Variants in CSMD3 observed in about 807,000 individuals in gnomAD.
CSMD3 encodes CUB and sushi domain-containing protein 3.
A neutral mutation model predicts 435.2 loss-of-function variants in CSMD3; 177 were observed. That is an observed-to-expected ratio of 0.41 (90% CI 0.36 to 0.46). The LOEUF (loss-of-function observed/expected upper bound fraction) is 0.46. Ranked by LOEUF, CSMD3 falls within the 20% of genes least tolerant of loss-of-function variation. The pLI is 0.34. For missense variants in CSMD3, 4,265 were observed against 4,504.6 expected, an observed-to-expected ratio of 0.95 and a Z score of 1.52; for synonymous variants, 1,656 against 1,520.5, an observed-to-expected ratio of 1.09 and a Z score of -2.07.
At position 112,322,518 on chromosome 8, in the gene CSMD3, A is replaced by C. The variant is rs140959286; in HGVS notation, c.7166-2537T>G. ...CTTAACTTCCAACTCTACTTCAATA[A>C]GAACAACTCTATTCTTATCAATTGT... On this transcript the variant is annotated intron_variant, in intron 45 of 70. Transcript: ENST00000297405. 1.7e-3 allele frequency among the ~76,000 whole-genome samples: 266 copies of C among 152,188 alleles called. 1 individual carries two copies. Among genetic ancestry groups the C allele is most frequent in the African/African-American group, 6.2e-3 (259 of 41,558 alleles).
At chr8:113,243,773 A>G (rs1275956247) in intron 3 of CSMD3, among the ~76,000 whole-genome samples, 2 of 152,116 alleles carry the variant, frequency 1.3e-5, no homozygotes, top group Admixed American at 6.6e-5. Flanking sequence ...GTCAACACTT[A>G]CTATTGTGTA....
intron 1 of CSMD3, among the ~76,000 whole-genome samples, chr8:113,323,950 C>A (rs1296637712): frequency 6.6e-6 from 1 of 152,056 alleles, no homozygotes; most frequent in Non-Finnish European, 1.5e-5. Context: ...CAATACTTTA[C>A]AGTTAATAAG....
intron 3 of CSMD3, among the ~76,000 whole-genome samples, chr8:113,215,084 AT>A (rs1199910104): frequency 6.6e-6 from 1 of 151,918 alleles, no homozygotes; most frequent in East Asian, 1.9e-4. Flanking sequence ...AATCTCATAT[AT>A]TCGTAATAAA....
intron 22 of CSMD3, among the ~76,000 whole-genome samples, chr8:112,596,616 G>A (rs1831747634): frequency 6.6e-6 from 1 of 151,916 alleles, no homozygotes; most frequent in Non-Finnish European, 1.5e-5. Flanking sequence ...ATACTTGGAA[G>A]TAAAGCTCTC....
At chr8:112,407,176 CAG>C (rs1182622220) in intron 34 of CSMD3, among the ~76,000 whole-genome samples, 3 of 151,634 alleles carry the variant, frequency 2.0e-5, no homozygotes, top group African/African-American at 7.3e-5. Flanking sequence ...TAAAGGCAAA[CAG>C]TACTTTATTA....
At chr8:113,400,458 T>C (rs898302544) in intron 1 of CSMD3, among the ~76,000 whole-genome samples, 1 of 151,860 alleles carries the variant, frequency 6.6e-6, no homozygotes, top group African/African-American at 2.4e-5. Flanking sequence ...AAAAATGGAG[T>C]GATTATATTT....
At chr8:112,437,749 T>C (rs1045437670) in intron 32 of CSMD3, among the ~76,000 whole-genome samples, 7 of 152,112 alleles carry the variant, frequency 4.6e-5, no homozygotes, top group African/African-American at 1.7e-4. Context: ...TTAATGTTAA[T>C]TCTTACAAAA....
At chr8:112,812,303 G>A (rs1042103550) in intron 12 of CSMD3, among the ~76,000 whole-genome samples, 5 of 152,146 alleles carry the variant, frequency 3.3e-5, no homozygotes, top group Non-Finnish European at 2.9e-5. Context: ...AATGCCTCAA[G>A]TACACAAGCA....
chr8:112,905,281 G>C (rs1038888442), intron 10 of CSMD3, among the ~76,000 whole-genome samples: 12 of 147,186 alleles, frequency 8.2e-5, no homozygotes, highest in African/African-American at 3.0e-4. Flanking sequence ...TAGACAAACA[G>C]ATTTTTATTA....
At chr8:112,397,684 G>C (rs1586189409) in intron 35 of CSMD3, among the ~76,000 whole-genome samples, 1 of 152,052 alleles carries the variant, frequency 6.6e-6, no homozygotes, top group African/African-American at 2.4e-5. Context: ...TTTCATAAGA[G>C]CATTAATCCC....
At chr8:112,895,952 T>C (rs954789458) in intron 10 of CSMD3, among the ~76,000 whole-genome samples, 1 of 151,512 alleles carries the variant, frequency 6.6e-6, no homozygotes, top group Non-Finnish European at 1.5e-5. Context: ...AAATCTAGTC[T>C]TTTTATTGTT....
chr8:112,332,831 A>G (rs1824192884), intron 45 of CSMD3, among the ~76,000 whole-genome samples: 1 of 152,282 alleles, frequency 6.6e-6, no homozygotes, highest in Non-Finnish European at 1.5e-5. Flanking sequence ...CTGCTCTGCC[A>G]GGCATTATGC....
At chr8:112,705,215 C>T (rs1027353729) in intron 13 of CSMD3, among the ~76,000 whole-genome samples, 7 of 152,062 alleles carry the variant, frequency 4.6e-5, no homozygotes, top group African/African-American at 1.7e-4. Context: ...TAAAAACAAG[C>T]CATGAAATTT....
intron 7 of CSMD3, among the ~76,000 whole-genome samples, chr8:112,974,881 A>G (rs1450786190): frequency 6.6e-6 from 1 of 151,856 alleles, no homozygotes; most frequent in East Asian, 1.9e-4. Context: ...TGTATAAACC[A>G]TGCCTAATCA....
chr8:112,577,370 A>C (rs1004734306), intron 23 of CSMD3, among the ~76,000 whole-genome samples: 4 of 152,068 alleles, frequency 2.6e-5, no homozygotes, highest in Non-Finnish European at 5.9e-5. Context: ...CTTTTGTTCA[A>C]AAGTAAATAA....
chr8:112,573,923 A>G (rs1352343170), intron 23 of CSMD3, among the ~76,000 whole-genome samples: 1 of 151,980 alleles, frequency 6.6e-6, no homozygotes, highest in East Asian at 1.9e-4. Context: ...TATTTTAAAA[A>G]TGCTTTTTCT....
chr8:113,309,810 C>T (rs1393005801), intron 2 of CSMD3: 2 of 152,136 alleles, frequency 1.3e-5, no homozygotes, highest in African/African-American at 2.4e-5. Context: ...TCAGTCTTCT[C>T]CATGCTGTTT....
At chr8:112,607,847 G>A (rs1221580738) in intron 22 of CSMD3, among the ~76,000 whole-genome samples, 1 of 152,048 alleles carries the variant, frequency 6.6e-6, no homozygotes, top group Non-Finnish European at 1.5e-5. Context: ...GCCCACAGCT[G>A]ACATCAAACA....
At chr8:113,086,898 T>C (rs188705748) in intron 5 of CSMD3, among the ~76,000 whole-genome samples, 1 of 152,230 alleles carries the variant, frequency 6.6e-6, no homozygotes, top group South Asian at 2.1e-4. Context: ...AAATTTAATA[T>C]ATGTGGCTTT....
Sources: allele counts gnomAD v4.1 joint callset (sites outside exome capture counted in the v4.1 genomes callset), GRCh38; gene constraint gnomAD v4.1.1; transcripts MANE v1.5; gene names NCBI Gene and HGNC (gene_info 2026-07-23, HGNC 2026-07-21).